Variants in DAPK2 observed in about 807,000 individuals in gnomAD.
DAPK2 encodes the protein death associated protein kinase 2, also known as death-associated protein kinase 2.
In DAPK2, 35 loss-of-function variants were observed where a neutral mutation model predicts 44.1. The ratio of observed to expected loss-of-function variants is 0.79; its 90% CI spans 0.61 to 1.05. The LOEUF (loss-of-function observed/expected upper bound fraction) is 1.05. Among genes scored for constraint, DAPK2 ranks in the 50% least tolerant of loss-of-function variants. The probability of loss-of-function intolerance (pLI) is 0.00; values close to 1 mark genes in which losing one functional copy is unlikely to be tolerated. For synonymous variants in DAPK2, 174 were observed against 182.6 expected, an observed-to-expected ratio of 0.95 and a Z score of 0.38; for missense variants, 453 against 483.2, an observed-to-expected ratio of 0.94 and a Z score of 0.59.
At chr15:64,029,216 TGTGTGCTGAGCTTCTAACTCAAGC>T (rs1251856410) in intron 1 of DAPK2, among the ~76,000 whole-genome samples, 1 of 150,534 alleles carries the variant, frequency 6.6e-6, no homozygotes, top group African/African-American at 2.4e-5. Flanking sequence ...CGATTTGCAC[TGTGTGCTGAGCTTCTAACTCAAGC>T]GTGTGCAATG....
At chr15:63,967,797 G>A (rs1211240519) in intron 3 of DAPK2, among the ~76,000 whole-genome samples, 1 of 152,234 alleles carries the variant, frequency 6.6e-6, no homozygotes, top group African/African-American at 2.4e-5. Flanking sequence ...CTGAACATAG[G>A]AGAAGCTGAT....
intron 3 of DAPK2, among the ~76,000 whole-genome samples, chr15:63,945,487 G>A (rs1373609519): frequency 6.6e-6 from 1 of 152,182 alleles, no homozygotes; most frequent in African/African-American, 2.4e-5. Context: ...CTATAGGGCT[G>A]TGATGCGGAT....
At chr15:63,934,969 A>T (rs1032815186) in intron 4 of DAPK2, among the ~76,000 whole-genome samples, 1 of 151,646 alleles carries the variant, frequency 6.6e-6, no homozygotes, top group African/African-American at 2.4e-5. Context: ...CATTTCTTTA[A>T]TTCAGAAGTA....
chr15:64,016,036 C>T (rs979243809), intron 1 of DAPK2, among the ~76,000 whole-genome samples: 4 of 152,230 alleles, frequency 2.6e-5, no homozygotes, highest in Non-Finnish European at 4.4e-5. Context: ...TTGGGTTCTT[C>T]AGGAAAGCAT....
upstream of DAPK2, among the ~76,000 whole-genome samples, chr15:64,040,747 CCAAAAATA>C (rs1454460343): frequency 3.3e-5 from 5 of 151,862 alleles, no homozygotes; most frequent in Admixed American, 2.6e-4. Flanking sequence ...TCCATCTCTA[CCAAAAATA>C]CAAAAATTAG....
intron 1 of DAPK2, among the ~76,000 whole-genome samples, chr15:64,028,194 G>T (rs2079909599): frequency 6.6e-6 from 1 of 152,154 alleles, no homozygotes; most frequent in East Asian, 1.9e-4. Flanking sequence ...AGGTTGCTGG[G>T]ACTACAGGTG....
At chr15:64,010,515 A>G (rs1265453348) in intron 1 of DAPK2, among the ~76,000 whole-genome samples, 1 of 152,114 alleles carries the variant, frequency 6.6e-6, no homozygotes, top group Non-Finnish European at 1.5e-5. Context: ...TGTGATGATG[A>G]TCCCTACATT....
At chr15:63,932,466 C>CAAAAAAAAA (rs61026642) in intron 4 of DAPK2, 7 of 68,222 alleles carry the variant, frequency 1.0e-4, no homozygotes, top group African/African-American at 2.7e-4. Context: ...AACTCCGTCT[C>CAAAAAAAAA]AAAAAAAAAA....
chr15:63,924,698 A>G, intron 8 of DAPK2, 118 bp downstream of exon 9: 2 of 1,110,760 alleles, frequency 1.8e-6, no homozygotes, highest in Non-Finnish European at 1.3e-6. Flanking sequence ...ATCTGTGCCC[A>G]GGGTCAGTGT....
In DAPK2 at chr15:64,013,123, T is replaced by A. The variant is rs1054453479; in HGVS notation, c.92+27047A>T. Among the ~76,000 whole-genome samples the A allele has an allele frequency of 1.3e-5, 2 of 152,046 alleles. No individual in the cohort carries two copies. The highest frequency in any genetic ancestry group is 2.4e-5 in the African/African-American group (1 of 41,382). ...CCACCCCAGACCCCCAGACAACCCATAAGGTGGCAACCAAATCATTAAAGA... is the reference window on the plus strand; with the variant it reads ...CCACCCCAGACCCCCAGACAACCCAAAAGGTGGCAACCAAATCATTAAAGA... On this transcript the variant is annotated intron_variant, in intron 1 of 10. Coordinates refer to ENST00000261891, the Ensembl canonical transcript of DAPK2. The surrounding 1 kb of genome is among the most constrained non-coding windows in gnomAD (Gnocchi z 4.7).
chr15:63,925,684 A>G (rs865909448), intron 7 of DAPK2, among the ~76,000 whole-genome samples: 7,593 of 121,976 alleles, frequency 0.062, 232 homozygotes, highest in African/African-American at 0.13. Flanking sequence ...TAGCGCACAC[A>G]CACACACACA....
chr15:64,023,477 A>C (rs1188110043), intron 1 of DAPK2, among the ~76,000 whole-genome samples: 1 of 152,234 alleles, frequency 6.6e-6, no homozygotes, highest in Non-Finnish European at 1.5e-5. Flanking sequence ...AAAGGCAAAG[A>C]GAGAGAATTA....
intron 1 of DAPK2, among the ~76,000 whole-genome samples, chr15:64,001,914 C>G (rs1426921221): frequency 6.6e-6 from 1 of 152,218 alleles, no homozygotes; most frequent in Non-Finnish European, 1.5e-5. Context: ...GGTTCTGACC[C>G]TCTTTGCTGA....
intron 1 of DAPK2, among the ~76,000 whole-genome samples, chr15:64,033,609 A>G (rs924989950): frequency 2.0e-5 from 3 of 152,146 alleles, no homozygotes; most frequent in Admixed American, 6.5e-5. Flanking sequence ...CTGAATGGTG[A>G]CAGAAGAAAA....
In DAPK2 at chr15:64,021,537, G is replaced by A. The variant is rs1389657559; in HGVS notation, c.92+18633C>T. 2.0e-5 allele frequency among the ~76,000 whole-genome samples: 3 copies of A among 152,352 alleles called. No individual in the cohort carries two copies. The East Asian group carries it at 5.8e-4, about 29-fold the overall frequency. On this transcript the variant is annotated intron_variant, in intron 1 of 10. Transcript: ENST00000261891. Reference sequence around the variant, plus strand: ...CTTTACCAGCCCCTGTGCTCGTTGAGTGCCTACTGTGGATCCAGCCATATG... The same window carrying A: ...CTTTACCAGCCCCTGTGCTCGTTGAATGCCTACTGTGGATCCAGCCATATG...
intron 1 of DAPK2, among the ~76,000 whole-genome samples, chr15:63,993,908 C>T (rs2140924098): frequency 6.6e-6 from 1 of 152,214 alleles, no homozygotes; most frequent in Non-Finnish European, 1.5e-5. Context: ...TCCACAGACA[C>T]ACACGGTGGT....
chr15:63,939,322 G>A lies in DAPK2; in HGVS notation c.493C>T (p.Pro165Ser), dbSNP rs772751720. 5.6e-6 allele frequency: 9 copies of A among 1,613,004 alleles called. No individual in the cohort carries two copies. In the Admixed American group the frequency reaches 6.7e-5, roughly 12 times the overall value. Residue 165 changes from proline (P) to serine (S), a missense_variant, in exon 4 of 11, where the codon CCA (proline) becomes TCA (serine). Pro to Ser is a moderately conservative substitution (Grantham distance 74, BLOSUM62 -1). Transcript: ENST00000261891. This position sits in a 1 kb window ranked among gnomAD's most constrained non-coding sequence, Gnocchi z 4.3. ...CCAAAGTCAATCAGCTTGATGTGTG[G>A]AATGGGAATATTCTTGTCTAACAAC... is the stretch of plus-strand genomic sequence containing the variant.
At chr15:64,040,648 CA>C (rs1368024489), upstream of DAPK2, among the ~76,000 whole-genome samples, 2 of 152,108 alleles carry the variant, frequency 1.3e-5, no homozygotes, top group African/African-American at 4.8e-5. Flanking sequence ...ATGGTGCTCA[CA>C]ACTGTAATCC....
chr15:64,005,236 G>T (rs11633611), intron 1 of DAPK2, among the ~76,000 whole-genome samples: 4 of 151,748 alleles, frequency 2.6e-5, no homozygotes, highest in African/African-American at 9.7e-5. Context: ...CTTCTCAGGA[G>T]GGGTATCCAG....
Sources: gnomAD v4.1 joint callset for allele counts (sites outside exome capture counted in the v4.1 genomes callset) on GRCh38, gnomAD v4.1.1 for gene constraint, Gnocchi (gnomAD v3.1) non-coding constraint, MANE v1.5 for transcripts, NCBI Gene and HGNC (gene_info 2026-07-23, HGNC 2026-07-21) for gene names.